Variants in FERMT1 observed in about 807,000 individuals in gnomAD.
FERMT1 encodes fermitin family homolog 1.
FERMT1 carries 60 observed loss-of-function variants against 85.3 expected under a neutral mutation model. The ratio of observed to expected loss-of-function variants is 0.70; its 90% CI spans 0.57 to 0.87. FERMT1 has a LOEUF of 0.87. Ranked by LOEUF, FERMT1 falls within the 40% of genes least tolerant of loss-of-function variation. The pLI, the probability that FERMT1 is intolerant of heterozygous loss-of-function variation, is 0.00. For missense variants in FERMT1, 701 were observed against 818.9 expected, an observed-to-expected ratio of 0.86 and a Z score of 1.76; for synonymous variants, 275 against 301.1, an observed-to-expected ratio of 0.91 and a Z score of 0.90.
chr20:6,088,396 T>C (rs1309577485), intron 10 of FERMT1, among the ~76,000 whole-genome samples: 1 of 152,168 alleles, frequency 6.6e-6, no homozygotes, highest in Non-Finnish European at 1.5e-5. Context: ...TGTGCTATAC[T>C]CTTGGACATG....
At chr20:6,118,845 C>T (rs6038362) in intron 2 of FERMT1, among the ~76,000 whole-genome samples, 53,842 of 151,814 alleles carry the variant, frequency 0.35, 9,646 homozygotes, top group South Asian at 0.56. Flanking sequence ...TGCCAAGCTA[C>T]TTAAAGTCAC....
intron 8 of FERMT1, 91 bp downstream of exon 8, chr20:6,096,811 A>T: frequency 1.0e-5 from 8 of 795,528 alleles, no homozygotes; most frequent in South Asian, 3.0e-5. Context: ...TCAAAATCAG[A>T]TGAAATATTC....
At chr20:6,077,676 A>G (rs534906998) in intron 14 of FERMT1, among the ~76,000 whole-genome samples, 1 of 151,622 alleles carries the variant, frequency 6.6e-6, no homozygotes, top group East Asian at 1.9e-4. Flanking sequence ...CAGGCACTTT[A>G]TTTTTATTTT....
chr20:6,113,873 T>G (rs1468857614), intron 3 of FERMT1, among the ~76,000 whole-genome samples: 1 of 152,208 alleles, frequency 6.6e-6, no homozygotes, highest in Non-Finnish European at 1.5e-5. Context: ...TGAATCCTTA[T>G]CTCAGGGTCT....
intron 4 of FERMT1, among the ~76,000 whole-genome samples, chr20:6,110,836 G>A (rs1827175280): frequency 1.3e-5 from 2 of 152,178 alleles, no homozygotes; most frequent in East Asian, 3.8e-4. Context: ...TAATACACAG[G>A]TAATGGTCTT....
In FERMT1 at chr20:6,104,958, C is replaced by A. The variant is rs539354297; in HGVS notation, c.849+2574G>T. 6.6e-6 allele frequency among the ~76,000 whole-genome samples: 1 copy of A among 152,042 alleles called. No homozygotes were observed. The highest frequency in any genetic ancestry group is 2.4e-5 in the African/African-American group (1 of 41,386). On this transcript the variant is annotated intron_variant, in intron 6 of 14. Coordinates refer to ENST00000217289, the MANE Select transcript of FERMT1 (RefSeq NM_017671.5). This position sits in a 1 kb window ranked among gnomAD's most constrained non-coding sequence, Gnocchi z 4.2. ...TTAGTTCTGAAGCAGCGGATTGAATCGGGGGAGTCTCTTGGCAAAGAAACT... is the reference window on the plus strand; with the variant it reads ...TTAGTTCTGAAGCAGCGGATTGAATAGGGGGAGTCTCTTGGCAAAGAAACT...
intron 11 of FERMT1, among the ~76,000 whole-genome samples, chr20:6,086,789 C>G (rs1982199367): frequency 6.6e-6 from 1 of 152,150 alleles, no homozygotes; most frequent in South Asian, 2.1e-4. Context: ...TCCCCTTCAC[C>G]TTCCGCTAAG....
At chr20:6,088,405 T>A (rs942129620) in intron 10 of FERMT1, among the ~76,000 whole-genome samples, 1 of 152,150 alleles carries the variant, frequency 6.6e-6, no homozygotes, top group African/African-American at 2.4e-5. Flanking sequence ...CTCTTGGACA[T>A]GAATTACCAC....
rs540989253 is a variant in FERMT1 at position 6,109,192 on chromosome 20, C to T, written c.746+1106G>A. Among the ~76,000 whole-genome samples the T allele has an allele frequency of 1.1e-4, 16 of 152,194 alleles. No individual in the cohort carries two copies. The East Asian group carries it at 1.4e-3, about 13-fold the overall frequency. ...AGAGTTGACAGTCTGCTGGGGGAGA[C>T]CAAGCCTCAAATAAAGGGACAATGT... On this transcript the variant is annotated intron_variant, in intron 5 of 14. Coordinates refer to ENST00000217289, the MANE Select transcript of FERMT1 (RefSeq NM_017671.5).
intron 5 of FERMT1, among the ~76,000 whole-genome samples, chr20:6,109,902 CAA>C (rs11436082): frequency 1.1e-4 from 14 of 123,566 alleles, no homozygotes; most frequent in African/African-American, 8.9e-5. Flanking sequence ...AACTCCATCT[CAA>C]AAAAAAAAAA....
rs770407636 is a variant in FERMT1 at position 6,084,062 on chromosome 20, C to T, written c.1696G>A (p.Gly566Ser). The stretch of plus-strand genomic sequence containing the variant: ...CACCTGACAAGGTAGTAGGTGAGGC[C>T]AAACTCAGGCAGTGACTGCCACGCC... The part of the protein sequence containing the change: ...IQAWQSLPEF[G>S]LTYYLVRFKG... Residue 566 changes from glycine (G) to serine (S), a missense_variant, in exon 13 of 15, where the codon GGC (glycine) becomes AGC (serine). By Grantham distance (56) the Gly-to-Ser change is moderately conservative. Transcript: ENST00000217289. 1.2e-5 allele frequency: 19 copies of T among 1,614,006 alleles called. No homozygotes were observed. Among genetic ancestry groups the T allele is most frequent in the Middle Eastern group, 1.6e-4 (1 of 6,084 alleles).
chr20:6,082,746 C>A (rs576355961), intron 13 of FERMT1, among the ~76,000 whole-genome samples: 17 of 152,340 alleles, frequency 1.1e-4, no homozygotes, highest in African/African-American at 4.1e-4. Flanking sequence ...ACCTCCACCT[C>A]CCAGGTTCAA....
intron 6 of FERMT1, among the ~76,000 whole-genome samples, chr20:6,099,996 AAGAG>A (rs199569980): frequency 1.8e-4 from 28 of 151,916 alleles, no homozygotes; most frequent in East Asian, 7.7e-4. Context: ...AAAAAAAAAA[AAGAG>A]AGAGAAAATG....
At chr20:6,109,838 A>G (rs890702085) in intron 5 of FERMT1, among the ~76,000 whole-genome samples, 2 of 148,670 alleles carry the variant, frequency 1.3e-5, no homozygotes, top group South Asian at 2.2e-4. Flanking sequence ...GGGGGCAGAG[A>G]TTGTGGTGAG....
chr20:6,083,662 C>CA (rs11461821), intron 13 of FERMT1, among the ~76,000 whole-genome samples: 40,708 of 138,392 alleles, frequency 0.29, 7,247 homozygotes, highest in East Asian at 0.62. Flanking sequence ...GACACCCCCC[C>CA]CCCCGGCCAC....
chr20:6,082,751 G>A (rs543691388), intron 13 of FERMT1, among the ~76,000 whole-genome samples: 1 of 152,284 alleles, frequency 6.6e-6, no homozygotes, highest in East Asian at 1.9e-4. Flanking sequence ...CACCTCCCAG[G>A]TTCAAGTAAT....
chr20:6,089,113 G>C, intron 9 of FERMT1, 24 bp from the exon 10 acceptor site: 1 of 1,606,768 alleles, frequency 6.2e-7, no homozygotes, highest in Non-Finnish European at 8.5e-7. Flanking sequence ...GATAGTGAAT[G>C]TTTAAACCAC....
chr20:6,107,864 C>CTTTGT (rs1366910298), intron 5 of FERMT1, among the ~76,000 whole-genome samples: 2 of 152,050 alleles, frequency 1.3e-5, no homozygotes, highest in African/African-American at 4.8e-5. Flanking sequence ...TTTTGTTCTG[C>CTTTGT]TTTGTTTTGT....
At chr20:6,097,493 T>C in intron 7 of FERMT1, 31 bp downstream of exon 7, 1 of 1,508,986 alleles carries the variant, frequency 6.6e-7, no homozygotes, top group East Asian at 2.3e-5. Flanking sequence ...GTTTGTCTCC[T>C]TCCAGAGAAA....
Sources: allele counts gnomAD v4.1 joint callset (sites outside exome capture counted in the v4.1 genomes callset), GRCh38; gene constraint gnomAD v4.1.1; non-coding constraint Gnocchi (gnomAD v3.1); transcripts MANE v1.5; gene names NCBI Gene and HGNC (gene_info 2026-07-23, HGNC 2026-07-21).